CCSER1: variants seen among roughly 807,000 people sequenced by gnomAD.
CCSER1 encodes coiled-coil serine rich protein 1.
CCSER1 carries 41 observed loss-of-function variants against 82.0 expected under a neutral mutation model. The ratio of observed to expected loss-of-function variants is 0.50; its 90% confidence interval spans 0.39 to 0.65. The LOEUF (loss-of-function observed/expected upper bound fraction) is 0.65. Ranked by LOEUF, CCSER1 falls within the 30% of genes least tolerant of loss-of-function variation. The pLI is 0.00. For missense variants in CCSER1, 1,119 were observed against 1,064.2 expected, an observed-to-expected ratio of 1.05 and a Z score of -0.72; for synonymous variants, 414 against 383.9, an observed-to-expected ratio of 1.08 and a Z score of -0.92.
intron 5 of CCSER1, among the ~76,000 whole-genome samples, chr4:90,509,540 A>G (rs763977953): frequency 6.6e-6 from 1 of 152,128 alleles, no homozygotes; most frequent in East Asian, 1.9e-4. Context: ...GTGAAATGCA[A>G]TTTCCTTAAG....
rs73833298 is a variant in CCSER1, at chr4:90,603,398, C to T, written c.1725-24627C>T. ...CTGCCAATGCCCTTGTGCCTGTCCT[C>T]AGCCCTGCCAGAGAATAATGGCTTT... is the stretch of plus-strand genomic sequence containing the variant. On this transcript the variant is annotated intron_variant, in intron 5 of 10. Transcript: ENST00000509176. Among the ~76,000 whole-genome samples, 447 of 152,310 alleles carry T rather than the reference C, an allele frequency of 2.9e-3. 3 individuals are homozygous for T. The highest frequency in any genetic ancestry group is 0.01 in the African/African-American group (432 of 41,566).
rs918214987 is a variant in CCSER1, at chr4:90,810,106, G to GA, written c.2011-5649dup. ...TACTGCTTATTTGGTAATTGTATTGGAAAAAAACATGAATTTGAGCATCTT... is the reference window on the plus strand; with the variant it reads ...TACTGCTTATTTGGTAATTGTATTGGAAAAAAAACATGAATTTGAGCATCTT... On this transcript the variant is annotated intron_variant, in intron 7 of 10. Transcript: ENST00000509176. Among the ~76,000 whole-genome samples the GA allele has an allele frequency of 4.6e-5, 7 of 152,076 alleles. No individual in the cohort carries two copies. In the East Asian group the frequency reaches 7.8e-4, roughly 17 times the overall value.
chr4:90,472,403 A>G lies in CCSER1; in HGVS notation c.1724+4049A>G, dbSNP rs577593159. ...TTGACTTTTTTTATTAAATATTCTC[A>G]TGTATTTATTAGTTTTTAGACATTT... On this transcript the variant is annotated intron_variant, in intron 5 of 10. Coordinates refer to ENST00000509176, the MANE Select transcript of CCSER1 (RefSeq NM_001145065.2). Among the ~76,000 whole-genome samples the G allele has an allele frequency of 1.9e-4, 29 of 152,230 alleles. No individual in the cohort carries two copies. The East Asian group carries it at 3.3e-3, about 17-fold the overall frequency.
intron 1 of CCSER1, among the ~76,000 whole-genome samples, chr4:90,245,486 G>A (rs1330224029): frequency 6.6e-6 from 1 of 152,072 alleles, no homozygotes; most frequent in Non-Finnish European, 1.5e-5. Flanking sequence ...TTATTGTTGG[G>A]TTGGACTTAT....
At chr4:91,030,503 G>A (rs556956564) in intron 9 of CCSER1, among the ~76,000 whole-genome samples, 8 of 152,176 alleles carry the variant, frequency 5.3e-5, no homozygotes, top group East Asian at 1.9e-4. Context: ...AGCTGATGCC[G>A]GCCTGGAGGA....
At chr4:91,362,789 G>T (rs756970016) in intron 10 of CCSER1, among the ~76,000 whole-genome samples, 3 of 151,812 alleles carry the variant, frequency 2.0e-5, no homozygotes, top group Admixed American at 1.3e-4. Flanking sequence ...AACTGTCTTT[G>T]TGAAACTACT....
intron 5 of CCSER1, among the ~76,000 whole-genome samples, chr4:90,485,208 G>T (rs1302587177): frequency 6.6e-6 from 1 of 152,214 alleles, no homozygotes; most frequent in Non-Finnish European, 1.5e-5. Flanking sequence ...TGTGCCCTTT[G>T]TTAAGCCCGT....
chr4:90,156,072 G>T (rs1350046604), intron 1 of CCSER1, among the ~76,000 whole-genome samples: 1 of 152,114 alleles, frequency 6.6e-6, no homozygotes, highest in Non-Finnish European at 1.5e-5. Flanking sequence ...GGTGTGTTGT[G>T]TCTTTGTTCT....
intron 10 of CCSER1, among the ~76,000 whole-genome samples, chr4:91,424,960 G>A (rs1753887221): frequency 1.3e-5 from 2 of 152,038 alleles, no homozygotes; most frequent in Non-Finnish European, 2.9e-5. Flanking sequence ...ATTCCTCTCA[G>A]TAAAATGACT....
chr4:91,093,837 C>A (rs28786131), intron 10 of CCSER1, among the ~76,000 whole-genome samples: 97,754 of 152,060 alleles, frequency 0.64, 31,863 homozygotes, highest in East Asian at 0.95. Context: ...CAGTTGCCCC[C>A]CTTTGTAACC....
intron 3 of CCSER1, among the ~76,000 whole-genome samples, chr4:90,335,661 A>T (rs1464876210): frequency 1.3e-5 from 2 of 152,160 alleles, no homozygotes; most frequent in African/African-American, 4.8e-5. Flanking sequence ...TATTTATTGG[A>T]AGTTTATTAT....
chr4:90,674,813 A>G (rs944424308), intron 6 of CCSER1, among the ~76,000 whole-genome samples: 3 of 151,766 alleles, frequency 2.0e-5, no homozygotes, highest in South Asian at 2.1e-4. Flanking sequence ...ACTGGTTTTT[A>G]TAAGTATTAC....
In CCSER1 at chr4:91,172,414, G is replaced by T. The variant is rs79396172; in HGVS notation, c.2217+86420G>T. Among the ~76,000 whole-genome samples, 657 of 152,300 alleles carry T rather than the reference G, an allele frequency of 4.3e-3. 5 individuals are homozygous for T. The highest frequency in any genetic ancestry group is 0.015 in the African/African-American group (616 of 41,556). The stretch of plus-strand genomic sequence containing the variant: ...GGAAAAGGCAACAACATGAGTGAAG[G>T]CCCAGAAACCTGAAAGCTCTGGGAA... On this transcript the variant is annotated intron_variant, in intron 10 of 10. Coordinates refer to ENST00000509176, the MANE Select transcript of CCSER1 (RefSeq NM_001145065.2).
chr4:90,281,858 T>C (rs1053262363), intron 1 of CCSER1, among the ~76,000 whole-genome samples: 2 of 152,216 alleles, frequency 1.3e-5, no homozygotes, highest in South Asian at 2.1e-4. Flanking sequence ...TAAGACAGCA[T>C]TAGTTTATTT....
At chr4:90,524,240 G>A (rs927233321) in intron 5 of CCSER1, among the ~76,000 whole-genome samples, 1 of 152,020 alleles carries the variant, frequency 6.6e-6, no homozygotes, top group African/African-American at 2.4e-5. Context: ...CTTAGTTGTC[G>A]GGAACAACAT....
intron 6 of CCSER1, among the ~76,000 whole-genome samples, chr4:90,698,204 G>A (rs1035034367): frequency 4.6e-5 from 7 of 152,122 alleles, no homozygotes; most frequent in African/African-American, 1.7e-4. Context: ...AAGTAGGGGT[G>A]ATAAGAATTA....
At position 90,127,416 on chromosome 4, in the gene CCSER1, C is replaced by G. The variant is rs1271465285; in HGVS notation, c.-457C>G. On this transcript the variant is annotated 5_prime_UTR_variant, in exon 1 of 11. Coordinates refer to ENST00000509176, the MANE Select transcript of CCSER1 (RefSeq NM_001145065.2). Reference sequence around the variant, plus strand: ...CTCACAGCCCCGGAGCGCGGCCTGCCGGGGAGGTGGATCTCGCGCTCCCCA... The same window carrying G: ...CTCACAGCCCCGGAGCGCGGCCTGCGGGGGAGGTGGATCTCGCGCTCCCCA... 1.3e-5 allele frequency: 2 copies of G among 152,320 alleles called. No homozygotes were observed. The highest frequency in any genetic ancestry group is 2.1e-4 in the South Asian group (1 of 4,830). 9.4% of individuals were successfully genotyped at this position (152,320 alleles called of 1,614,324 possible). A position where few individuals can be genotyped will look rare whatever the true frequency, so the allele number is the denominator to read the frequency against.
chr4:91,305,074 C>CAAGAAA (rs1744947539), intron 10 of CCSER1, among the ~76,000 whole-genome samples: 1 of 151,938 alleles, frequency 6.6e-6, no homozygotes, highest in South Asian at 2.1e-4. Context: ...TGAATCTTTT[C>CAAGAAA]ATTCTCCCTA....
intron 5 of CCSER1, among the ~76,000 whole-genome samples, chr4:90,484,388 C>G (rs538419913): frequency 6.6e-6 from 1 of 152,288 alleles, no homozygotes; most frequent in South Asian, 2.1e-4. Flanking sequence ...AGTCATTCTC[C>G]ATCCAGCTTT....
Sources: allele counts gnomAD v4.1 joint callset (sites outside exome capture counted in the v4.1 genomes callset), GRCh38; gene constraint gnomAD v4.1.1; transcripts MANE v1.5; gene names NCBI Gene and HGNC (gene_info 2026-07-23, HGNC 2026-07-21).